EYS: variants seen among roughly 807,000 people sequenced by gnomAD.
EYS encodes the protein protein eyes shut homolog.
EYS carries 250 observed loss-of-function variants against 282.1 expected under a neutral mutation model. The observed-to-expected ratio is 0.89, with a 90% CI of 0.80 to 0.98. EYS has a LOEUF of 0.98. Ranked by LOEUF, EYS falls within the 50% of genes least tolerant of loss-of-function variation. EYS has a pLI of 0.00. For synonymous variants in EYS, 1,355 were observed against 1,282.9 expected (o/e 1.06, Z -1.20); for missense variants, 4,016 against 3,709.0 (o/e 1.08, Z -2.15).
At chr6:64,386,977 A>C (rs1210720207) in intron 29 of EYS, among the ~76,000 whole-genome samples, 1 of 152,162 alleles carries the variant, frequency 6.6e-6, no homozygotes, top group Non-Finnish European at 1.5e-5. Context: ...TGTAATGTAT[A>C]GTATATGTAT....
chr6:64,753,019 G>T (rs1324388243), intron 22 of EYS, among the ~76,000 whole-genome samples: 2 of 152,096 alleles, frequency 1.3e-5, no homozygotes, highest in Middle Eastern at 3.2e-3. Flanking sequence ...ATACATGAAG[G>T]AGAAATAGTC....
At chr6:65,547,611 G>A (rs1251806904) in intron 2 of EYS, among the ~76,000 whole-genome samples, 1 of 151,846 alleles carries the variant, frequency 6.6e-6, no homozygotes, top group Non-Finnish European at 1.5e-5. Flanking sequence ...TAATATGATA[G>A]GCAAAATACA....
At chr6:65,218,488 A>C (rs1455479971) in intron 12 of EYS, among the ~76,000 whole-genome samples, 1 of 152,134 alleles carries the variant, frequency 6.6e-6, no homozygotes, top group African/African-American at 2.4e-5. Context: ...AAAACAAAAC[A>C]TGAGTAGAGA....
At chr6:65,140,640 G>T (rs56118866) in intron 12 of EYS, among the ~76,000 whole-genome samples, 33,663 of 147,872 alleles carry the variant, frequency 0.23, 4,014 homozygotes, top group African/African-American at 0.27. Flanking sequence ...CAAACAAATT[G>T]ACAAGAAGAA....
intron 26 of EYS, among the ~76,000 whole-genome samples, chr6:64,527,334 C>G (rs1777956060): frequency 6.6e-6 from 1 of 151,758 alleles, no homozygotes; most frequent in Admixed American, 6.6e-5. Flanking sequence ...GTTGATATGC[C>G]AGGCCTAAGG....
chr6:64,072,702 T>C (rs1050014621), intron 32 of EYS, among the ~76,000 whole-genome samples: 1 of 151,942 alleles, frequency 6.6e-6, no homozygotes, highest in East Asian at 1.9e-4. Flanking sequence ...AGGGTGTTAA[T>C]GCACTAAAGG....
intron 22 of EYS, among the ~76,000 whole-genome samples, chr6:64,693,235 C>T (rs575652428): frequency 6.6e-6 from 1 of 151,338 alleles, no homozygotes; most frequent in Non-Finnish European, 1.5e-5. Context: ...CATTTTAATT[C>T]TTCCCAATTG....
intron 22 of EYS, among the ~76,000 whole-genome samples, chr6:64,780,619 G>A (rs1773830150): frequency 6.6e-6 from 1 of 151,996 alleles, no homozygotes; most frequent in African/African-American, 2.4e-5. Context: ...TCACCATTAT[G>A]CAATATATCC....
At chr6:65,328,186 C>T (rs1769677699) in intron 11 of EYS, among the ~76,000 whole-genome samples, 1 of 151,344 alleles carries the variant, frequency 6.6e-6, no homozygotes, top group African/African-American at 2.4e-5. Context: ...TACCCATATC[C>T]TAAAATTAAA....
intron 12 of EYS, among the ~76,000 whole-genome samples, chr6:65,178,706 C>T (rs1400789278): frequency 1.3e-5 from 2 of 151,980 alleles, no homozygotes; most frequent in East Asian, 3.9e-4. Context: ...CTGCACCAAG[C>T]AGACATAATA....
chr6:65,041,692 A>C (rs933555099), intron 13 of EYS, among the ~76,000 whole-genome samples: 1 of 151,656 alleles, frequency 6.6e-6, no homozygotes, highest in Non-Finnish European at 1.5e-5. Flanking sequence ...AAATGAAGCT[A>C]TTTGGTAACT....
chr6:63,888,174 G>A (rs1773314153), intron 35 of EYS, among the ~76,000 whole-genome samples: 2 of 152,210 alleles, frequency 1.3e-5, no homozygotes, highest in African/African-American at 4.8e-5. Context: ...ATCTCCCTGG[G>A]ACAGAGCACT....
At chr6:65,654,742 T>C (rs1285773177) in intron 1 of EYS, among the ~76,000 whole-genome samples, 1 of 151,572 alleles carries the variant, frequency 6.6e-6, no homozygotes, top group African/African-American at 2.4e-5. Flanking sequence ...GAAAAAGAAC[T>C]AAAATTGTTC....
In EYS at chr6:65,688,976, G is replaced by C. The variant is rs1353627625; in HGVS notation, c.-448+18159C>G. Among the ~76,000 whole-genome samples, 7 of 151,186 alleles carry C rather than the reference G, an allele frequency of 4.6e-5. No individual in the cohort carries two copies. In the South Asian group the frequency reaches 6.3e-4, roughly 14 times the overall value. ...TGGAAGTCAATGTGGCGATTCCTCA[G>C]GGATCTAGAACTAGAAATACCATTT... On this transcript the variant is annotated intron_variant, in intron 1 of 42. Transcript: ENST00000503581.
intron 14 of EYS, among the ~76,000 whole-genome samples, chr6:64,970,323 G>A (rs549603318): frequency 2.0e-5 from 3 of 152,126 alleles, no homozygotes; most frequent in Non-Finnish European, 2.9e-5. Flanking sequence ...CATACATCCC[G>A]AGTAGCTGGG....
At chr6:64,395,706 C>T (rs1191184138) in intron 28 of EYS, among the ~76,000 whole-genome samples, 4 of 150,680 alleles carry the variant, frequency 2.7e-5, no homozygotes, top group South Asian at 2.1e-4. Context: ...GTGGGTGCAG[C>T]GCACCAGCAT....
intron 26 of EYS, among the ~76,000 whole-genome samples, chr6:64,574,389 C>T (rs543021015): frequency 6.6e-6 from 1 of 152,238 alleles, no homozygotes; most frequent in Admixed American, 6.5e-5. Context: ...TAAAACTGTA[C>T]GTTCTGCACC....
chr6:64,337,419 G>A (rs999765360), intron 29 of EYS, among the ~76,000 whole-genome samples: 1 of 151,978 alleles, frequency 6.6e-6, no homozygotes, highest in Non-Finnish European at 1.5e-5. Flanking sequence ...AATGCTCCTA[G>A]CTTAAATCAG....
At chr6:63,887,819 C>A (rs1193949150) in intron 35 of EYS, among the ~76,000 whole-genome samples, 1 of 152,196 alleles carries the variant, frequency 6.6e-6, no homozygotes, top group Admixed American at 6.5e-5. Flanking sequence ...CCATTCACTC[C>A]CCTGGAAAGG....
Sources: gnomAD v4.1 joint callset for allele counts (sites outside exome capture counted in the v4.1 genomes callset) on GRCh38, gnomAD v4.1.1 for gene constraint, MANE v1.5 for transcripts, NCBI Gene and HGNC (gene_info 2026-07-23, HGNC 2026-07-21) for gene names.